Variants in NAV1 observed in about 807,000 individuals in gnomAD.
NAV1 encodes neuron navigator 1, also known as pore membrane and/or filament interacting like protein 3.
In NAV1, 18 loss-of-function variants were observed where a neutral mutation model predicts 175.2. The ratio of observed to expected loss-of-function variants is 0.10; its 90% CI spans 0.07 to 0.15. The LOEUF is 0.15. NAV1 is among the 10% of genes least tolerant of loss of function. The pLI is 1.00. For synonymous variants in NAV1, 897 were observed against 978.7 expected (o/e 0.92, Z 1.56); for missense variants, 1,731 against 2,436.6 (o/e 0.71, Z 6.10).
upstream of NAV1, among the ~76,000 whole-genome samples, chr1:201,644,257 C>T (rs1021712892): frequency 6.6e-6 from 1 of 152,066 alleles, no homozygotes; most frequent in African/African-American, 2.4e-5. Context: ...GGTAAATGGC[C>T]GAGTGGGAGG....
At chr1:201,809,070 C>T (rs1678516717) in intron 20 of NAV1, 94 bp from the exon 25 acceptor site, 4 of 1,376,608 alleles carry the variant, frequency 2.9e-6, no homozygotes, top group Non-Finnish European at 4.1e-6. Flanking sequence ...TTCTCTGTGG[C>T]AAACAGAGTT....
At chr1:201,791,663 C>T (rs1235983516) in intron 13 of NAV1, 4 of 152,236 alleles carry the variant, frequency 2.6e-5, no homozygotes, top group African/African-American at 9.6e-5. Context: ...AGCTGTCAGG[C>T]CTGGGGTCTA....
intron 3 of NAV1, among the ~76,000 whole-genome samples, chr1:201,769,401 A>G (rs1675419557): frequency 6.6e-6 from 1 of 152,160 alleles, no homozygotes; most frequent in East Asian, 1.9e-4. Flanking sequence ...CATCAACTCT[A>G]GCAAGTGAGA....
intron 3 of NAV1, among the ~76,000 whole-genome samples, chr1:201,753,090 C>T (rs1397301922): frequency 6.6e-6 from 1 of 152,086 alleles, no homozygotes; most frequent in Non-Finnish European, 1.5e-5. Context: ...GAAACTCACA[C>T]CCCCTAAGCA....
chr1:201,648,640 G>A (rs1036782293), exon 1 of NAV1: 2 of 1,307,992 alleles, frequency 1.5e-6, no homozygotes, highest in African/African-American at 1.5e-5. Context: ...GCAGACGCGC[G>A]GATCGTCCAT....
intron 3 of NAV1, among the ~76,000 whole-genome samples, chr1:201,745,239 T>A (rs1673695330): frequency 1.3e-5 from 2 of 152,040 alleles, no homozygotes; most frequent in South Asian, 4.1e-4. Flanking sequence ...AGAAAGAATA[T>A]CAAATATCCC....
chr1:201,689,419 C>T (rs887600368), intron 1 of NAV1, among the ~76,000 whole-genome samples: 3 of 152,182 alleles, frequency 2.0e-5, no homozygotes, highest in Non-Finnish European at 4.4e-5. Context: ...ACCAAGGATA[C>T]ATCCATTGTG....
chr1:201,744,990 C>T (rs1205773749), intron 3 of NAV1, among the ~76,000 whole-genome samples: 4 of 152,204 alleles, frequency 2.6e-5, no homozygotes, highest in East Asian at 3.9e-4. Flanking sequence ...TGTCAGCTCA[C>T]GTTTAGTTCA....
intron 1 of NAV1, among the ~76,000 whole-genome samples, chr1:201,691,005 T>C (rs943927610): frequency 5.9e-5 from 9 of 152,168 alleles, no homozygotes; most frequent in African/African-American, 2.2e-4. Context: ...GAACTTAAAA[T>C]CCAGGAAGTG....
Position 201,654,299 on chromosome 1 carries a change from G to T in NAV1, c.757+4874G>T, listed in dbSNP as rs1299123906. On this transcript the variant is annotated intron_variant, in intron 1 of 29. Transcript: ENST00000367296. ...ATGGGTAGCAGGACCAAGTCACCTG[G>T]AGTCCTGGGATGTTTCCTGACACTT... 3.9e-5 allele frequency among the ~76,000 whole-genome samples: 6 copies of T among 152,162 alleles called. No homozygotes were observed. In the East Asian group the frequency reaches 1.2e-3, roughly 29 times the overall value.
intron 1 of NAV1, among the ~76,000 whole-genome samples, chr1:201,566,551 CA>C (rs1184187063): frequency 3.3e-5 from 5 of 152,260 alleles, no homozygotes; most frequent in Admixed American, 3.3e-4. Context: ...AGGGCTGTAT[CA>C]GAAGTCAGTA....
intron 3 of NAV1, among the ~76,000 whole-genome samples, chr1:201,722,151 A>G (rs777603263): frequency 7.9e-5 from 12 of 152,238 alleles, no homozygotes; most frequent in Non-Finnish European, 1.5e-4. Flanking sequence ...TGTACAGTTT[A>G]GTGGCATTCA....
intron 1 of NAV1, among the ~76,000 whole-genome samples, chr1:201,581,555 G>A (rs535909366): frequency 1.2e-4 from 19 of 152,278 alleles, no homozygotes; most frequent in African/African-American, 3.9e-4. Context: ...CCGGCCGGGC[G>A]CGGTGGCTCA....
rs1481561178 is a variant in NAV1, at chr1:201,718,784, G to C, written c.1226+29G>C. Reference sequence around the variant, plus strand: ...AGCGCAGGGGCTTCTTGGATGGCGGGGGAGGATGGTGGAAAGACCACTGGG... The same window carrying C: ...AGCGCAGGGGCTTCTTGGATGGCGGCGGAGGATGGTGGAAAGACCACTGGG... On this transcript the variant is annotated intron_variant, in intron 3 of 29. Transcript: ENST00000367296. The surrounding 1 kb of genome is among the most constrained non-coding windows in gnomAD (Gnocchi z 4.8). The C allele has an allele frequency of 6.4e-7, 1 of 1,574,598 alleles. No homozygotes were observed.
At chr1:201,570,470 G>A (rs1666499418) in intron 1 of NAV1, among the ~76,000 whole-genome samples, 1 of 152,250 alleles carries the variant, frequency 6.6e-6, no homozygotes, top group South Asian at 2.1e-4. Context: ...CCAGCAAGCA[G>A]GCCTGCCCTG....
At chr1:201,662,820 C>T (rs1669665786) in intron 1 of NAV1, among the ~76,000 whole-genome samples, 1 of 141,402 alleles carries the variant, frequency 7.1e-6, no homozygotes, top group South Asian at 2.2e-4. Context: ...CAGAATGGCT[C>T]CAGCCACTGA....
intron 2 of NAV1, among the ~76,000 whole-genome samples, chr1:201,717,010 C>G (rs1040220084): frequency 3.3e-5 from 5 of 152,212 alleles, no homozygotes; most frequent in African/African-American, 9.6e-5. Flanking sequence ...GGGCCTCCCC[C>G]ATCTTGCCCA....
chr1:201,556,876 T>C (rs1666033415), intron 1 of NAV1, among the ~76,000 whole-genome samples: 1 of 152,168 alleles, frequency 6.6e-6, no homozygotes, highest in Non-Finnish European at 1.5e-5. Flanking sequence ...AAATCATTAG[T>C]GTTCCCCCTG....
At chr1:201,695,258 G>A (rs1356271404) in intron 1 of NAV1, among the ~76,000 whole-genome samples, 2 of 152,170 alleles carry the variant, frequency 1.3e-5, no homozygotes, top group East Asian at 1.9e-4. Context: ...CTCCTCCACC[G>A]AGGGCTCTCT....
Sources: gnomAD v4.1 joint callset for allele counts (sites outside exome capture counted in the v4.1 genomes callset) on GRCh38, gnomAD v4.1.1 for gene constraint, Gnocchi (gnomAD v3.1) non-coding constraint, MANE v1.5 for transcripts, NCBI Gene and HGNC (gene_info 2026-07-23, HGNC 2026-07-21) for gene names.